Variants in VIPR2 observed in about 807,000 individuals in gnomAD.
VIPR2 encodes vasoactive intestinal peptide receptor 2.
Under a neutral mutation model 58.0 loss-of-function variants are expected in VIPR2, and 48 were observed. The ratio of observed to expected loss-of-function variants is 0.83; its 90% confidence interval spans 0.66 to 1.05. The LOEUF is 1.05. VIPR2 is among the 50% of genes least tolerant of loss of function. The probability of loss-of-function intolerance (pLI) is 0.00; values close to 1 mark genes in which losing one functional copy is unlikely to be tolerated. For missense variants in VIPR2, 534 were observed against 558.0 expected (o/e 0.96, Z 0.43); for synonymous variants, 243 against 235.2 (o/e 1.03, Z -0.30).
In VIPR2 at chr7:159,104,940, G is replaced by A. The variant is rs551993373; in HGVS notation, c.260-1086C>T. On this transcript the variant is annotated intron_variant, in intron 3 of 12. Transcript: ENST00000262178. ...CCTGGCCAGGCCCTCATCACCAACC[G>A]TGACCCAGTAGGGCAGGCTCCATTT... Among the ~76,000 whole-genome samples the A allele has an allele frequency of 2.0e-5, 3 of 152,322 alleles. No individual in the cohort carries two copies. In the South Asian group the frequency reaches 6.2e-4, roughly 32 times the overall value.
rs191652462 is a variant in VIPR2, at chr7:159,090,996, A to T, written c.357+12761T>A. The stretch of plus-strand genomic sequence containing the variant: ...CCTGCGACCATTGCAATCCCCGGTG[A>T]CCTCAGCACAGACACGCTGGGACCA... On this transcript the variant is annotated intron_variant, in intron 4 of 12. Coordinates refer to ENST00000262178, the MANE Select transcript of VIPR2 (RefSeq NM_003382.5). Among the ~76,000 whole-genome samples, 353 of 130,890 alleles carry T rather than the reference A, an allele frequency of 2.7e-3. 19 individuals carry two copies. Among genetic ancestry groups the T allele is most frequent in the South Asian group, 0.02 (80 of 3,944 alleles). The allele number at this position is 130,890 out of a possible 152,430, so 85.9% of individuals were successfully genotyped here.
intron 2 of VIPR2, among the ~76,000 whole-genome samples, chr7:159,111,593 T>C (rs1796004788): frequency 6.6e-6 from 1 of 151,956 alleles, no homozygotes; most frequent in East Asian, 1.9e-4. Context: ...GGGAGGAGAA[T>C]TGCTTGAACC....
intron 4 of VIPR2, among the ~76,000 whole-genome samples, chr7:159,059,008 G>C (rs1030273889): frequency 1.3e-5 from 2 of 152,240 alleles, no homozygotes; most frequent in Non-Finnish European, 2.9e-5. Context: ...TACAGGCACA[G>C]GGTGAGGTGT....
At chr7:159,112,828 C>G (rs1796086794) in intron 2 of VIPR2, among the ~76,000 whole-genome samples, 1 of 151,938 alleles carries the variant, frequency 6.6e-6, no homozygotes, top group Non-Finnish European at 1.5e-5. Context: ...AGGAGGCTCA[C>G]GGCGCCTACC....
chr7:159,135,157 C>T (rs377465084), intron 2 of VIPR2, among the ~76,000 whole-genome samples: 1 of 151,904 alleles, frequency 6.6e-6, no homozygotes, highest in Admixed American at 6.6e-5. Context: ...AAAAAAGGGC[C>T]GGCTACAGGG....
chr7:159,058,408 G>T, intron 5 of VIPR2, 73 bp downstream of exon 5: 1 of 1,297,204 alleles, frequency 7.7e-7, no homozygotes, highest in Non-Finnish European at 1.1e-6. Context: ...AGGCTGGGTG[G>T]CGCCTAGAAG....
At chr7:159,103,181 G>A (rs1858404994) in intron 4 of VIPR2, among the ~76,000 whole-genome samples, 1 of 152,200 alleles carries the variant, frequency 6.6e-6, no homozygotes, top group Admixed American at 6.5e-5. Context: ...TAACACCCAA[G>A]AGCTCCAGAT....
intron 6 of VIPR2, among the ~76,000 whole-genome samples, chr7:159,041,274 C>T (rs113891902): frequency 2.6e-5 from 4 of 152,320 alleles, no homozygotes; most frequent in South Asian, 2.1e-4. Flanking sequence ...CACTCTGCCT[C>T]GGAGGTTCTG....
At chr7:159,104,602 C>T (rs1209503131) in intron 3 of VIPR2, among the ~76,000 whole-genome samples, 2 of 146,318 alleles carry the variant, frequency 1.4e-5, no homozygotes, top group Admixed American at 1.3e-4. Flanking sequence ...GGTACCCCAC[C>T]TGCTCCAGTT....
intron 4 of VIPR2, among the ~76,000 whole-genome samples, chr7:159,082,094 A>C (rs750436327): frequency 9.2e-5 from 14 of 152,212 alleles, no homozygotes; most frequent in Non-Finnish European, 2.1e-4. Flanking sequence ...ATACCATTTG[A>C]CCCAGCCATC....
At chr7:159,034,505 T>A in intron 9 of VIPR2, 76 bp downstream of exon 9, 1 of 1,480,764 alleles carries the variant, frequency 6.8e-7, no homozygotes, top group South Asian at 1.1e-5. Flanking sequence ...TTCTATTTAA[T>A]AAAGGATGGC....
At chr7:159,081,554 A>G (rs1002439546) in intron 4 of VIPR2, among the ~76,000 whole-genome samples, 1 of 152,248 alleles carries the variant, frequency 6.6e-6, no homozygotes, top group African/African-American at 2.4e-5. Context: ...GGACATAGGC[A>G]TGGGCAAGGA....
In VIPR2 at chr7:159,030,801, G is replaced by A. The variant is rs1853512901; in HGVS notation, c.1144-12C>T. ...AGCTCGCACTGCACCTGGGAGGTGA[G>A]GGCAGCGGGAACGCCCGTGAGCCTG... On this transcript the variant is annotated splice_polypyrimidine_tract_variant and intron_variant, in intron 12 of 12. Coordinates refer to ENST00000262178, the MANE Select transcript of VIPR2 (RefSeq NM_003382.5). 1.3e-6 allele frequency: 2 copies of A among 1,556,290 alleles called. No homozygotes were observed. The highest frequency in any genetic ancestry group is 1.7e-6 in the Non-Finnish European group (2 of 1,149,060).
chr7:159,060,760 A>G (rs1352252617), intron 4 of VIPR2, among the ~76,000 whole-genome samples: 2 of 149,948 alleles, frequency 1.3e-5, no homozygotes, highest in African/African-American at 2.5e-5. Context: ...CCTGCACCTT[A>G]CCTAACCCAC....
rs551713392 is a variant in VIPR2, at chr7:159,050,284, C to T, written c.456-7108G>A. Among the ~76,000 whole-genome samples the T allele has an allele frequency of 4.0e-5, 6 of 150,646 alleles. No homozygotes were observed. The South Asian group carries it at 6.3e-4, about 16-fold the overall frequency. On this transcript the variant is annotated intron_variant, in intron 5 of 12. Transcript: ENST00000262178. Reference sequence around the variant, plus strand: ...CCCGGGAGGCAGAGGTTGCAGTAAGCGGAGATCATGCCACTGCACTCCAGC... The same window carrying T: ...CCCGGGAGGCAGAGGTTGCAGTAAGTGGAGATCATGCCACTGCACTCCAGC...
intron 4 of VIPR2, among the ~76,000 whole-genome samples, chr7:159,062,240 G>T (rs1855722783): frequency 6.6e-6 from 1 of 152,198 alleles, no homozygotes; most frequent in Non-Finnish European, 1.5e-5. Flanking sequence ...AGCCACAGCA[G>T]CCCGCAGGTG....
chr7:159,094,564 G>A (rs369306987), intron 4 of VIPR2, among the ~76,000 whole-genome samples: 2 of 152,208 alleles, frequency 1.3e-5, no homozygotes, highest in Admixed American at 6.5e-5. Context: ...AGAGAAGAGT[G>A]TGCACTGCTG....
intron 2 of VIPR2, among the ~76,000 whole-genome samples, chr7:159,115,124 T>A (rs1796189165): frequency 6.6e-6 from 1 of 152,144 alleles, no homozygotes; most frequent in South Asian, 2.1e-4. Context: ...CAGTTAAAGG[T>A]TTGGTTCCTC....
chr7:159,138,324 C>T (rs1266146610), intron 2 of VIPR2, among the ~76,000 whole-genome samples: 4 of 152,256 alleles, frequency 2.6e-5, no homozygotes, highest in Middle Eastern at 3.4e-3. Context: ...TAACCATATC[C>T]CACATGACAC....
Sources: gnomAD v4.1 joint callset for allele counts (sites outside exome capture counted in the v4.1 genomes callset) on GRCh38, gnomAD v4.1.1 for gene constraint, MANE v1.5 for transcripts, NCBI Gene and HGNC (gene_info 2026-07-23, HGNC 2026-07-21) for gene names.